SEMA3D: variants seen among roughly 807,000 people sequenced by gnomAD.
SEMA3D encodes semaphorin-3D.
A neutral mutation model predicts 100.1 loss-of-function variants in SEMA3D; 84 were observed. That is an observed-to-expected ratio of 0.84 (90% CI 0.70 to 1.01). SEMA3D has a LOEUF of 1.01. SEMA3D is among the 50% of genes least tolerant of loss of function. The pLI, the probability that SEMA3D is intolerant of heterozygous loss-of-function variation, is 0.00. For missense variants in SEMA3D, 875 were observed against 934.1 expected (o/e 0.94, Z 0.82); for synonymous variants, 312 against 320.7 (o/e 0.97, Z 0.29).
At chr7:85,160,202 GT>G (rs200041671) in intron 1 of SEMA3D, among the ~76,000 whole-genome samples, 5 of 145,674 alleles carry the variant, frequency 3.4e-5, no homozygotes, top group African/African-American at 9.8e-5. Context: ...GTAAATACGT[GT>G]TTTTTTTACC....
chr7:85,095,457 T>C (rs540400646), intron 4 of SEMA3D, among the ~76,000 whole-genome samples: 142 of 152,100 alleles, frequency 9.3e-4, no homozygotes, highest in African/African-American at 3.2e-3. Context: ...CTCAATTATA[T>C]GTTGTAGATT....
At chr7:85,161,211 T>C (rs549458990) in intron 1 of SEMA3D, among the ~76,000 whole-genome samples, 28 of 152,190 alleles carry the variant, frequency 1.8e-4, no homozygotes, top group Non-Finnish European at 3.8e-4. Flanking sequence ...TCACCTGAAA[T>C]AGTAAATTAA....
At chr7:85,140,444 G>A in intron 2 of SEMA3D, 1 of 983,294 alleles carries the variant, frequency 1.0e-6, no homozygotes, top group Non-Finnish European at 1.2e-6. Flanking sequence ...GTGATGATGG[G>A]ATTTAAGGTG....
intron 14 of SEMA3D, among the ~76,000 whole-genome samples, 165 bp downstream of exon 14, chr7:85,020,068 G>T (rs553444069): frequency 3.2e-4 from 49 of 151,678 alleles, no homozygotes; most frequent in African/African-American, 1.1e-3. Context: ...CCCATTCCTA[G>T]TCGCTTATAA....
chr7:85,160,021 G>A, intron 1 of SEMA3D: 3 of 963,764 alleles, frequency 3.1e-6, no homozygotes, highest in Non-Finnish European at 3.7e-6. Context: ...TATATCATTT[G>A]TGGATTAAAA....
intron 8 of SEMA3D, among the ~76,000 whole-genome samples, chr7:85,063,114 T>A (rs1285846037): frequency 6.6e-6 from 1 of 152,180 alleles, no homozygotes; most frequent in Non-Finnish European, 1.5e-5. Flanking sequence ...AATTTTATCC[T>A]TATAACGCCC....
At chr7:85,048,868 T>G (rs1434648357) in intron 9 of SEMA3D, among the ~76,000 whole-genome samples, 1 of 151,858 alleles carries the variant, frequency 6.6e-6, no homozygotes, top group Non-Finnish European at 1.5e-5. Flanking sequence ...CATGTAGAAA[T>G]ATAACATGTA....
In SEMA3D at chr7:85,018,264, C is replaced by T; in HGVS notation, c.1533G>A (p.Leu511=). The T allele has an allele frequency of 6.3e-7, 1 of 1,594,668 alleles. No individual in the cohort carries two copies. The highest frequency in any genetic ancestry group is 8.6e-7 in the Non-Finnish European group (1 of 1,163,778). Residue 511 remains leucine, a synonymous_variant, in exon 15 of 19, where the codon TTG becomes TTA. Coordinates refer to ENST00000284136, the MANE Select transcript of SEMA3D (RefSeq NM_001384900.1). ...AGTTAAAAAGTACCTGCTTCAGAGACAATTCCATGTTCAAGATGATTGATG... is the reference window on the plus strand; with the variant it reads ...AGTTAAAAAGTACCTGCTTCAGAGATAATTCCATGTTCAAGATGATTGATG... ...KHSSIILNME[L]SLKQQQLYIG... is the part of the protein sequence containing the mutation.
intron 2 of SEMA3D, among the ~76,000 whole-genome samples, chr7:85,139,489 T>A (rs1218701700): frequency 6.6e-6 from 1 of 152,114 alleles, no homozygotes; most frequent in Non-Finnish European, 1.5e-5. Flanking sequence ...ATTTATAGCA[T>A]CCTGAAATCC....
chr7:85,096,961 T>G (rs1474532620), intron 4 of SEMA3D, among the ~76,000 whole-genome samples: 1 of 151,832 alleles, frequency 6.6e-6, no homozygotes, highest in African/African-American at 2.4e-5. Context: ...ATCTTTTTTT[T>G]CAATACTTCT....
chr7:85,223,875 A>G, the SEMA3D span, among the ~76,000 whole-genome samples: 1 of 152,056 alleles, frequency 6.6e-6, no homozygotes, highest in African/African-American at 2.4e-5. Flanking sequence ...TTATCCGTGT[A>G]ACCCCCATTC....
Position 85,097,791 on chromosome 7 carries a change from A to G in SEMA3D, c.312+14T>C. ...TAAATGAATTTAACCAAATGTATAT[A>G]TAAATATACTGACCTTCTTAAAATT... On this transcript the variant is annotated intron_variant, in intron 4 of 18. Coordinates refer to ENST00000284136, the MANE Select transcript of SEMA3D (RefSeq NM_001384900.1). 1 of 1,474,132 alleles carries G rather than the reference A, an allele frequency of 6.8e-7. No individual in the cohort carries two copies. Among genetic ancestry groups the G allele is most frequent in the South Asian group, 1.2e-5 (1 of 80,590 alleles). 91.3% of individuals were successfully genotyped at this position (1,474,132 alleles called of 1,614,324 possible). A position where few individuals can be genotyped will look rare whatever the true frequency, so the allele number is the denominator to read the frequency against.
the SEMA3D span, among the ~76,000 whole-genome samples, chr7:85,248,036 T>G: frequency 1.3e-5 from 2 of 151,574 alleles, no homozygotes; most frequent in Non-Finnish European, 2.9e-5. Flanking sequence ...ATGTGAAAAG[T>G]TTGAAAAGAC....
At chr7:85,108,174 ACAC>A (rs978302463) in intron 3 of SEMA3D, among the ~76,000 whole-genome samples, 1 of 152,082 alleles carries the variant, frequency 6.6e-6, no homozygotes, top group African/African-American at 2.4e-5. Context: ...TCCCTTAAAA[ACAC>A]TAGAAGCCCT....
the SEMA3D span, among the ~76,000 whole-genome samples, chr7:85,228,083 ACTGTACT>A: frequency 6.6e-6 from 1 of 152,182 alleles, no homozygotes; most frequent in African/African-American, 2.4e-5. Flanking sequence ...ACAATGTTAG[ACTGTACT>A]TTTTATAAAT....
chr7:85,072,054 G>A (rs1791789185), intron 6 of SEMA3D, among the ~76,000 whole-genome samples: 1 of 152,154 alleles, frequency 6.6e-6, no homozygotes, highest in East Asian at 1.9e-4. Flanking sequence ...TTACTAACCT[G>A]TAAATTGGTA....
intron 3 of SEMA3D, among the ~76,000 whole-genome samples, chr7:85,100,563 T>G (rs1788714458): frequency 6.6e-6 from 1 of 151,900 alleles, no homozygotes; most frequent in Non-Finnish European, 1.5e-5. Flanking sequence ...AGCCTATTAT[T>G]AATTGATGAG....
chr7:85,207,371 A>G, the SEMA3D span, among the ~76,000 whole-genome samples: 2 of 152,106 alleles, frequency 1.3e-5, no homozygotes, highest in South Asian at 4.1e-4. Flanking sequence ...AAATATCTAA[A>G]TACTGTGTTT....
At chr7:85,043,820 C>T (rs569263743) in intron 9 of SEMA3D, among the ~76,000 whole-genome samples, 97 of 152,198 alleles carry the variant, frequency 6.4e-4, no homozygotes, top group African/African-American at 2.2e-3. Context: ...CCTTGCCTTC[C>T]GCTATGAATG....
Sources: gnomAD v4.1 joint callset for allele counts (sites outside exome capture counted in the v4.1 genomes callset) on GRCh38, gnomAD v4.1.1 for gene constraint, MANE v1.5 for transcripts, NCBI Gene and HGNC (gene_info 2026-07-23, HGNC 2026-07-21) for gene names.